C22orf15: variants seen among roughly 807,000 people sequenced by gnomAD.
C22orf15 encodes the protein chromosome 22 open reading frame 15, also known as uncharacterized protein C22orf15.
Under a neutral mutation model 20.3 loss-of-function variants are expected in C22orf15, and 21 were observed. The ratio of observed to expected loss-of-function variants is 1.04; its 90% confidence interval spans 0.74 to 1.49. The LOEUF is 1.49. C22orf15 is among the 40% of genes most tolerant of loss of function. C22orf15 has a pLI of 0.00. For synonymous variants in C22orf15, 78 were observed against 75.4 expected, an observed-to-expected ratio of 1.03 and a Z score of -0.18; for missense variants, 170 against 191.1, an observed-to-expected ratio of 0.89 and a Z score of 0.65.
At position 23,764,913 on chromosome 22, in the gene C22orf15, T is replaced by TTTCTGGGAGCTA; in HGVS notation, c.435+11_435+12insTTCTGGGAGCTA. On this transcript the variant is annotated intron_variant, in intron 5 of 5. Coordinates refer to ENST00000402217, the MANE Select transcript of C22orf15 (RefSeq NM_182520.3). ...TCAAGGCCCAGAAAGGTGAGCTCCC[T>TTTCTGGGAGCTA]GCCACCCAGGAGTTGCTAGCTGGGG... The TTTCTGGGAGCTA allele has an allele frequency of 6.2e-7, 1 of 1,603,760 alleles. No homozygotes were observed. Among genetic ancestry groups the TTTCTGGGAGCTA allele is most frequent in the Non-Finnish European group, 8.5e-7 (1 of 1,173,792 alleles).
intron 5 of C22orf15, chr22:23,765,439 C>A (rs1034821267): frequency 2.6e-6 from 4 of 1,551,014 alleles, no homozygotes; most frequent in Non-Finnish European, 3.5e-6. Context: ...TGAGAAGTTG[C>A]ATCAGCAAGA....
chr22:23,764,205 A>C, intron 2 of C22orf15, 32 bp downstream of exon 2: 1 of 1,551,640 alleles, frequency 6.4e-7, no homozygotes, highest in South Asian at 1.2e-5. Flanking sequence ...GGAGGGGCTG[A>C]GGGGTCCCAG....
Position 23,764,372 on chromosome 22 carries a change from CAT to C in C22orf15, c.230_231del (p.Tyr77CysfsTer17). On this transcript the variant is annotated frameshift_variant, in exon 3 of 6. Coordinates refer to ENST00000402217, the MANE Select transcript of C22orf15 (RefSeq NM_182520.3). LOFTEE classifies it high-confidence loss of function. ...MGNSLLKERA[I>X]YVLVRIIKGE... ...GCAACTCCCTACTGAAGGAGCGAGC[CAT>C]ATATGTCCTCGTTCGGATCATCAGT... 3.9e-6 allele frequency: 6 copies of C among 1,553,400 alleles called. No homozygotes were observed. The highest frequency in any genetic ancestry group is 2.0e-5 in the Admixed American group (1 of 51,128).
intron 2 of C22orf15, 40 bp from the exon 3 acceptor site, chr22:23,764,220 G>A (rs758387734): frequency 6.4e-7 from 1 of 1,551,620 alleles, no homozygotes; most frequent in Non-Finnish European, 8.7e-7. Flanking sequence ...TCCCAGGCAG[G>A]GGTGCCAGCC....
chr22:23,763,183 A>T lies in C22orf15; in HGVS notation c.-124A>T, dbSNP rs1925990106. 1.5e-6 allele frequency: 2 copies of T among 1,338,410 alleles called. No individual in the cohort carries two copies. Among genetic ancestry groups the T allele is most frequent in the Admixed American group, 2.2e-5 (1 of 45,824 alleles). 82.9% of individuals were successfully genotyped at this position (1,338,410 alleles called of 1,614,324 possible). A position where few individuals can be genotyped will look rare whatever the true frequency, so the allele number is the denominator to read the frequency against. On this transcript the variant is annotated 5_prime_UTR_variant, in exon 1 of 6. Coordinates refer to ENST00000402217, the MANE Select transcript of C22orf15 (RefSeq NM_182520.3). Reference sequence around the variant, plus strand: ...CCCTGGGACCCAGCCATCCACACTCACACATCCACTTCTCCCTCCAGAGCC... The same window carrying T: ...CCCTGGGACCCAGCCATCCACACTCTCACATCCACTTCTCCCTCCAGAGCC...
Position 23,763,132 on chromosome 22 carries a change from A to T in C22orf15, c.-175A>T. ...TGAGCTAGGCTGAAGCAGCAGAACC[A>T]CAGAGGTGGCTGAGCAGGGGCCTGG... On this transcript the variant is annotated 5_prime_UTR_variant, in exon 1 of 6. Coordinates refer to ENST00000402217, the MANE Select transcript of C22orf15 (RefSeq NM_182520.3). 1.3e-6 allele frequency: 1 copy of T among 795,980 alleles called. No homozygotes were observed. Among genetic ancestry groups the T allele is most frequent in the Non-Finnish European group, 2.0e-6 (1 of 499,496 alleles). The allele number at this position is 795,980 out of a possible 1,614,324, so 49.3% of individuals were successfully genotyped here.
intron 3 of C22orf15, 102 bp from the exon 4 acceptor site, chr22:23,764,537 C>G: frequency 6.4e-7 from 1 of 1,558,740 alleles, no homozygotes; most frequent in Non-Finnish European, 8.8e-7. Flanking sequence ...CTACCCAATG[C>G]TCTGCTCCCA....
chr22:23,764,330 C>G lies in C22orf15; in HGVS notation c.183C>G (p.Ser61=). 1 of 1,551,608 alleles carries G rather than the reference C, an allele frequency of 6.4e-7. No individual in the cohort carries two copies. ...SLEEDLKEGA[S]RAQTMGNSLL... ...AGGAGGACCTGAAGGAAGGGGCTTC[C>G]CGGGCCCAGACCATGGGCAACTCCC... The change falls in exon 3 of 6, where the codon TCC becomes TCG. Residue 61 remains serine, a synonymous_variant. Transcript: ENST00000402217.
rs902841115 is a variant in C22orf15 at position 23,763,231 on chromosome 22, T to C, written c.-76T>C. The C allele has an allele frequency of 7.2e-5, 111 of 1,541,816 alleles. No individual in the cohort carries two copies. The highest frequency in any genetic ancestry group is 9.5e-5 in the Non-Finnish European group (108 of 1,140,266). The stretch of plus-strand genomic sequence containing the variant: ...GCCCGGCCCTGAAGCAGGTCTCTGC[T>C]CCACGCTTTTCCTTAGTTGGGGAAT... On this transcript the variant is annotated 5_prime_UTR_variant, in exon 1 of 6. Coordinates refer to ENST00000402217, the MANE Select transcript of C22orf15 (RefSeq NM_182520.3).
chr22:23,763,956 C>G, intron 1 of C22orf15, 131 bp from the exon 2 acceptor site: 1 of 818,300 alleles, frequency 1.2e-6, no homozygotes, highest in Non-Finnish European at 2.0e-6. Context: ...GCTGTTATGC[C>G]CGGGGCACAG....
In C22orf15 at chr22:23,764,658, C is replaced by T. The variant is rs1926417668; in HGVS notation, c.270C>T (p.Ser90=). The change falls in exon 4 of 6, where the codon TCC becomes TCT. Residue 90 remains serine, a synonymous_variant. Coordinates refer to ENST00000402217, the MANE Select transcript of C22orf15 (RefSeq NM_182520.3). ...TCACAGAGGGAGAGGACATGGCCTC[C>T]ACCCGCTATGAGTCCCTATTGGAGA... ...VRIIKGEDMA[S]TRYESLLENL... 6.2e-7 allele frequency: 1 copy of T among 1,614,222 alleles called. No individual in the cohort carries two copies. Among genetic ancestry groups the T allele is most frequent in the Non-Finnish European group, 8.5e-7 (1 of 1,180,030 alleles).
intron 5 of C22orf15, 23 bp from the exon 6 acceptor site, chr22:23,765,698 C>A: frequency 3.9e-6 from 6 of 1,547,326 alleles, no homozygotes; most frequent in Non-Finnish European, 5.2e-6. Context: ...CAGATTGCAA[C>A]AGGGCTCCTC....
intron 5 of C22orf15, chr22:23,765,436 T>C (rs1002030198): frequency 3.2e-5 from 50 of 1,550,804 alleles, no homozygotes; most frequent in Non-Finnish European, 4.1e-5. Context: ...TGCTGAGAAG[T>C]TGCATCAGCA....
Position 23,763,337 on chromosome 22 carries a change from T to C in C22orf15, c.25+6T>C. The C allele has an allele frequency of 6.5e-7, 1 of 1,547,838 alleles. No individual in the cohort carries two copies. Among genetic ancestry groups the C allele is most frequent in the Non-Finnish European group, 8.7e-7 (1 of 1,145,800 alleles). ...TATCAAGGTGATGTTTGGGGGTAAG[T>C]GGGGTCCCCTGTCTTGGTAGGCGGA... is the stretch of plus-strand genomic sequence containing the variant. On this transcript the variant is annotated splice_donor_region_variant and intron_variant, in intron 1 of 5. Coordinates refer to ENST00000402217, the MANE Select transcript of C22orf15 (RefSeq NM_182520.3).
At chr22:23,763,463 C>T (rs893399600) in intron 1 of C22orf15, 132 bp downstream of exon 1, 2 of 965,564 alleles carry the variant, frequency 2.1e-6, no homozygotes, top group Admixed American at 6.2e-5. Flanking sequence ...CGGGGGTCGT[C>T]GGGGAAGCGG....
chr22:23,764,795 G>A lies in C22orf15; in HGVS notation c.328G>A (p.Glu110Lys). The A allele has an allele frequency of 6.2e-7, 1 of 1,614,074 alleles. No individual in the cohort carries two copies. The highest frequency in any genetic ancestry group is 2.2e-5 in the East Asian group (1 of 44,878). ...ACAGGACTTCCTGGGCCTTCCAGAG[G>A]AACTGCGCAGGCTGTCAGGCCTCTC... ...LDDHYPELAE[E>K]LRRLSGLSSV... Residue 110 changes from glutamate (E) to lysine (K), a missense_variant and splice_region_variant, in exon 5 of 6, where the codon GAA becomes AAA. Transcript: ENST00000402217.
intron 5 of C22orf15, 73 bp from the exon 6 acceptor site, chr22:23,765,648 C>G: frequency 6.6e-7 from 1 of 1,517,416 alleles, no homozygotes; most frequent in Admixed American, 2.1e-5. Flanking sequence ...CCACCTCACT[C>G]TGGACTGCCC....
chr22:23,763,034 A>C lies in C22orf15; in HGVS notation c.-273A>C. On this transcript the variant is annotated 5_prime_UTR_variant, in exon 1 of 6. The change abolishes the stop of an existing upstream ORF in the 5' untranslated region. Coordinates refer to ENST00000402217, the MANE Select transcript of C22orf15 (RefSeq NM_182520.3). ...GCCATGGAGACCAGCTTGGAAGCTTAGGGGAGCTGCTGTGGCCCAGGGCTC... is the reference window on the plus strand; with the variant it reads ...GCCATGGAGACCAGCTTGGAAGCTTCGGGGAGCTGCTGTGGCCCAGGGCTC... The C allele has an allele frequency of 2.0e-6, 1 of 497,118 alleles. No individual in the cohort carries two copies. The highest frequency in any genetic ancestry group is 3.5e-6 in the Non-Finnish European group (1 of 285,520). The allele number at this position is 497,118 out of a possible 1,614,324, so 30.8% of individuals were successfully genotyped here.
intron 1 of C22orf15, 24 bp downstream of exon 1, chr22:23,763,355 T>C (rs909111372): frequency 1.3e-6 from 2 of 1,545,300 alleles, no homozygotes; most frequent in Admixed American, 2.0e-5. Flanking sequence ...CCTGTCTTGG[T>C]AGGCGGATAG....
Sources: allele counts gnomAD v4.1 joint callset, GRCh38; gene constraint gnomAD v4.1.1; transcripts MANE v1.5; gene names NCBI Gene and HGNC (gene_info 2026-07-23, HGNC 2026-07-21).